RBMS3: variants seen among roughly 807,000 people sequenced by gnomAD.
RBMS3 encodes the protein RNA-binding motif, single-stranded-interacting protein 3.
Under a neutral mutation model 66.8 loss-of-function variants are expected in RBMS3, and 27 were observed. That is an observed-to-expected ratio of 0.40 (90% confidence interval 0.30 to 0.56). RBMS3 has a LOEUF of 0.56. Ranked by LOEUF, RBMS3 falls within the 20% of genes least tolerant of loss-of-function variation. RBMS3 has a pLI of 0.40. For synonymous variants in RBMS3, 188 were observed against 183.0 expected (o/e 1.03, Z -0.22); for missense variants, 513 against 549.5 (o/e 0.93, Z 0.66).
intron 4 of RBMS3, among the ~76,000 whole-genome samples, chr3:29,695,627 T>C (rs1387923955): frequency 6.6e-6 from 1 of 152,140 alleles, no homozygotes; most frequent in Admixed American, 6.6e-5. Context: ...CATTTAACAA[T>C]TTCATGTGAA....
Position 29,319,049 on chromosome 3 carries a change from C to T in RBMS3, c.75+37293C>T, listed in dbSNP as rs1443028727. On this transcript the variant is annotated intron_variant, in intron 1 of 14. Coordinates refer to ENST00000383767, the MANE Select transcript of RBMS3 (RefSeq NM_001003793.3). ...ATTTAAGTAATGACAAATACTTCAG[C>T]GTGGCTTCAGCAATAGAAGCTAAGG... Among the ~76,000 whole-genome samples the T allele has an allele frequency of 4.6e-5, 7 of 151,848 alleles. No individual in the cohort carries two copies. The South Asian group carries it at 6.2e-4, about 13-fold the overall frequency.
intron 6 of RBMS3, among the ~76,000 whole-genome samples, chr3:29,784,177 T>C (rs2056738556): frequency 6.6e-6 from 1 of 152,030 alleles, no homozygotes; most frequent in African/African-American, 2.4e-5. Context: ...GGACTTAAAC[T>C]ATACCCTACA....
rs543456588 is a variant in RBMS3 at position 29,547,680 on chromosome 3, T to C, written c.308-39434T>C. Among the ~76,000 whole-genome samples the C allele has an allele frequency of 2.1e-3, 327 of 152,180 alleles. 1 individual carries two copies. The highest frequency in any genetic ancestry group is 7.7e-3 in the African/African-American group (318 of 41,534). On this transcript the variant is annotated intron_variant, in intron 3 of 14. Coordinates refer to ENST00000383767, the MANE Select transcript of RBMS3 (RefSeq NM_001003793.3). ...CTCCAAATGAAAATTTTTAAAAATA[T>C]ATATTTTTTAAGGAACGACTTTTCA... is the stretch of plus-strand genomic sequence containing the variant.
intron 12 of RBMS3, among the ~76,000 whole-genome samples, chr3:29,964,529 A>T (rs1184884740): frequency 6.6e-6 from 1 of 152,082 alleles, no homozygotes; most frequent in Non-Finnish European, 1.5e-5. Context: ...GGCTTTTCTA[A>T]AAACTTTCTT....
At chr3:29,936,762 T>A (rs954810020) in intron 11 of RBMS3, among the ~76,000 whole-genome samples, 2 of 152,140 alleles carry the variant, frequency 1.3e-5, no homozygotes, top group African/African-American at 2.4e-5. Context: ...TTTTGACTAG[T>A]CATCTTTCTC....
At chr3:29,742,728 G>T (rs2054699435) in intron 5 of RBMS3, among the ~76,000 whole-genome samples, 1 of 152,100 alleles carries the variant, frequency 6.6e-6, no homozygotes, top group African/African-American at 2.4e-5. Context: ...CTTGGGTCAA[G>T]TTTTCTTTTT....
chr3:29,512,808 A>G (rs181815112), intron 3 of RBMS3, among the ~76,000 whole-genome samples: 347 of 152,298 alleles, frequency 2.3e-3, no homozygotes, highest in Non-Finnish European at 3.9e-3. Flanking sequence ...CAACCTTGGC[A>G]TTTAGAATGC....
intron 3 of RBMS3, among the ~76,000 whole-genome samples, chr3:29,522,269 T>C (rs1013410594): frequency 6.6e-6 from 1 of 152,098 alleles, no homozygotes; most frequent in African/African-American, 2.4e-5. Flanking sequence ...CTCGGCTCAC[T>C]GCAACCTCCA....
chr3:29,582,035 T>C (rs2047345078), intron 3 of RBMS3, among the ~76,000 whole-genome samples: 1 of 152,206 alleles, frequency 6.6e-6, no homozygotes, highest in African/African-American at 2.4e-5. Flanking sequence ...AAATGGATTG[T>C]CACGCAGTGG....
chr3:29,921,695 TC>T (rs2060785417), intron 10 of RBMS3, among the ~76,000 whole-genome samples: 1 of 152,214 alleles, frequency 6.6e-6, no homozygotes, highest in Non-Finnish European at 1.5e-5. Flanking sequence ...AGATGAGCCA[TC>T]CATGCCTTGA....
chr3:29,871,058 A>G (rs2059479822), intron 7 of RBMS3, among the ~76,000 whole-genome samples: 1 of 152,108 alleles, frequency 6.6e-6, no homozygotes, highest in African/African-American at 2.4e-5. Flanking sequence ...TTGCTAAAGT[A>G]TATTAGCAAG....
At chr3:29,644,748 AAGT>A (rs1351541123) in intron 4 of RBMS3, among the ~76,000 whole-genome samples, 2 of 152,180 alleles carry the variant, frequency 1.3e-5, no homozygotes, top group Non-Finnish European at 2.9e-5. Context: ...GCACAGGCGA[AAGT>A]AGGATTATAG....
At chr3:29,648,710 C>T (rs1302647720) in intron 4 of RBMS3, among the ~76,000 whole-genome samples, 1 of 138,622 alleles carries the variant, frequency 7.2e-6, no homozygotes, top group Non-Finnish European at 1.6e-5. Flanking sequence ...TGTAGAATTA[C>T]AGTGTTTTTT....
intron 10 of RBMS3, among the ~76,000 whole-genome samples, chr3:29,902,949 G>T (rs1181553493): frequency 6.6e-6 from 1 of 151,926 alleles, no homozygotes; most frequent in South Asian, 2.1e-4. Context: ...TAAGGAGGAT[G>T]AATGGGTAAA....
rs369424919 is a variant in RBMS3, at chr3:29,813,391, A to T, written c.637+50402A>T. Among the ~76,000 whole-genome samples, 5 of 152,276 alleles carry T rather than the reference A, an allele frequency of 3.3e-5. No individual in the cohort carries two copies. In the East Asian group the frequency reaches 9.7e-4, roughly 29 times the overall value. On this transcript the variant is annotated intron_variant, in intron 6 of 14. Transcript: ENST00000383767. ...TACTAAGAAAGTACTGATGCCTGAT[A>T]AAACTATGATGTGCTGTACAGAGCT...
intron 5 of RBMS3, among the ~76,000 whole-genome samples, chr3:29,753,763 TA>T (rs1328261560): frequency 6.6e-6 from 1 of 152,242 alleles, no homozygotes; most frequent in South Asian, 2.1e-4. Flanking sequence ...TTTTGAATGA[TA>T]AAAAAGACCC....
At chr3:29,634,566 A>G (rs556576782) in intron 4 of RBMS3, among the ~76,000 whole-genome samples, 1 of 151,846 alleles carries the variant, frequency 6.6e-6, no homozygotes, top group Non-Finnish European at 1.5e-5. Context: ...CAGGTGTTCT[A>G]TACTGTGTCT....
intron 7 of RBMS3, among the ~76,000 whole-genome samples, chr3:29,870,395 GA>G (rs2059461945): frequency 6.6e-6 from 1 of 152,122 alleles, no homozygotes; most frequent in Non-Finnish European, 1.5e-5. Context: ...TTGGGTCACA[GA>G]CTATCATCAC....
intron 4 of RBMS3, among the ~76,000 whole-genome samples, chr3:29,738,333 C>G (rs2054471342): frequency 6.6e-6 from 1 of 152,062 alleles, no homozygotes; most frequent in Non-Finnish European, 1.5e-5. Flanking sequence ...ATCCTTGAAG[C>G]TAAGGTTTTT....
Sources: gnomAD v4.1 joint callset for allele counts (sites outside exome capture counted in the v4.1 genomes callset) on GRCh38, gnomAD v4.1.1 for gene constraint, MANE v1.5 for transcripts, NCBI Gene and HGNC (gene_info 2026-07-23, HGNC 2026-07-21) for gene names.